The following MYO6 variants were observed in gnomAD, a reference collection of about 807,000 sequenced individuals.
MYO6 encodes the protein unconventional myosin-VI.
In MYO6, 74 loss-of-function variants were observed where a neutral mutation model predicts 178.7. The observed-to-expected ratio is 0.41, with a 90% CI of 0.34 to 0.50. MYO6 has a LOEUF of 0.50. Ranked by LOEUF, MYO6 falls within the 20% of genes least tolerant of loss-of-function variation. The pLI, the probability that MYO6 is intolerant of heterozygous loss-of-function variation, is 0.09. For synonymous variants in MYO6, 477 were observed against 504.6 expected, an observed-to-expected ratio of 0.95 and a Z score of 0.73; for missense variants, 1,330 against 1,547.4, an observed-to-expected ratio of 0.86 and a Z score of 2.36.
intron 18 of MYO6, 186 bp downstream of exon 18, chr6:75,867,291 C>A: frequency 1.9e-6 from 1 of 534,616 alleles, no homozygotes; most frequent in Non-Finnish European, 3.2e-6. Flanking sequence ...TACAGAAATG[C>A]TTGTAATTAT....
At chr6:75,903,661 T>C (rs1780013131) in intron 30 of MYO6, among the ~76,000 whole-genome samples, 1 of 151,874 alleles carries the variant, frequency 6.6e-6, no homozygotes, top group Non-Finnish European at 1.5e-5. Context: ...AGCACACTGA[T>C]GGGTCTTGAC....
At chr6:75,788,241 G>A (rs1328836073) in intron 1 of MYO6, among the ~76,000 whole-genome samples, 1 of 151,586 alleles carries the variant, frequency 6.6e-6, no homozygotes, top group Non-Finnish European at 1.5e-5. Context: ...GTGGGTGCTT[G>A]TGGTCCCAGC....
At chr6:75,864,251 A>T (rs1295416944) in intron 16 of MYO6, among the ~76,000 whole-genome samples, 1 of 152,234 alleles carries the variant, frequency 6.6e-6, no homozygotes, top group Admixed American at 6.5e-5. Context: ...GTGAATGGTA[A>T]CAAGTAGTTT....
intron 18 of MYO6, among the ~76,000 whole-genome samples, chr6:75,869,070 A>ATTTTTT (rs71544072): frequency 3.3e-5 from 2 of 59,854 alleles, no homozygotes; most frequent in African/African-American, 6.6e-5. Context: ...CTTTATCTCC[A>ATTTTTT]TTTTTTTTTT....
chr6:75,902,516 G>A (rs1276426508), intron 30 of MYO6, among the ~76,000 whole-genome samples: 1 of 152,192 alleles, frequency 6.6e-6, no homozygotes, highest in Non-Finnish European at 1.5e-5. Context: ...TTTGCGTAGA[G>A]TTGTTTGTAG....
chr6:75,791,720 A>G (rs1049191194), intron 1 of MYO6, among the ~76,000 whole-genome samples: 1 of 152,224 alleles, frequency 6.6e-6, no homozygotes, highest in Non-Finnish European at 1.5e-5. Flanking sequence ...ATTTGGCATG[A>G]ACAGTTTAAA....
chr6:75,839,536 A>C (rs544526615), intron 7 of MYO6, among the ~76,000 whole-genome samples: 1 of 152,316 alleles, frequency 6.6e-6, no homozygotes, highest in South Asian at 2.1e-4. Context: ...AAAAATTTTA[A>C]CACTGAACAT....
intron 33 of MYO6, among the ~76,000 whole-genome samples, chr6:75,912,998 C>T (rs956937566): frequency 1.3e-5 from 2 of 152,112 alleles, no homozygotes; most frequent in African/African-American, 4.8e-5. Flanking sequence ...TATTTTCATC[C>T]TTTCAGTATT....
At chr6:75,770,704 C>A (rs1186209728) in intron 1 of MYO6, among the ~76,000 whole-genome samples, 1 of 152,092 alleles carries the variant, frequency 6.6e-6, no homozygotes, top group South Asian at 2.1e-4. Context: ...CTTGAACTCC[C>A]GACCTCAGGT....
chr6:75,859,841 GT>G (rs1359293420), intron 14 of MYO6, among the ~76,000 whole-genome samples: 2 of 151,982 alleles, frequency 1.3e-5, no homozygotes, highest in African/African-American at 4.8e-5. Context: ...TATATTTTTA[GT>G]AGAGATGGGG....
chr6:75,907,346 G>T (rs1214062219), intron 30 of MYO6, among the ~76,000 whole-genome samples: 1 of 152,204 alleles, frequency 6.6e-6, no homozygotes, highest in African/African-American at 2.4e-5. Flanking sequence ...TCTGGGGGAA[G>T]TTTGTGGAAC....
intron 1 of MYO6, among the ~76,000 whole-genome samples, chr6:75,809,647 G>A (rs1452293534): frequency 6.6e-6 from 1 of 152,070 alleles, no homozygotes; most frequent in Non-Finnish European, 1.5e-5. Context: ...GAAGTGGGGG[G>A]GTGGTGGAAT....
rs10687890 is a variant in MYO6 at position 75,866,275 on chromosome 6, C to CTGTG, written c.1675-221_1675-218dup. Among the ~76,000 whole-genome samples the CTGTG allele has an allele frequency of 0.049, 5,804 of 119,118 alleles. 346 individuals carry two copies. Among genetic ancestry groups the CTGTG allele is most frequent in the African/African-American group, 0.14 (5,038 of 35,656 alleles). The allele number at this position is 119,118 out of a possible 152,430, so 78.1% of individuals were successfully genotyped here. A position where few individuals can be genotyped will look rare whatever the true frequency, so the allele number is the denominator to read the frequency against. On this transcript the variant is annotated intron_variant, in intron 16 of 34. Coordinates refer to ENST00000369977, the MANE Select transcript of MYO6 (RefSeq NM_004999.4). ...TTTCTCTCCGTCTCTGTCTCTGTCT[C>CTGTG]TGTGTGTGTGTGTGTGTGTGTGTGT...
At position 75,787,691 on chromosome 6, in the gene MYO6, TC is replaced by T. The variant is rs1486946080; in HGVS notation, c.-47-29809del. On this transcript the variant is annotated intron_variant, in intron 1 of 34. Transcript: ENST00000369977. Reference sequence around the variant, plus strand: ...AATGGAACTATTCTCTCTCTCTCTCTCTCTCTCTCTCTCTCTCTCTCTCTCT... The same window carrying T: ...AATGGAACTATTCTCTCTCTCTCTCTTCTCTCTCTCTCTCTCTCTCTCTCT... Among the ~76,000 whole-genome samples the T allele has an allele frequency of 2.3e-4, 7 of 31,078 alleles. No homozygotes were observed. The East Asian group carries it at 3.9e-3, about 17-fold the overall frequency. The allele number at this position is 31,078 out of a possible 152,430, so 20.4% of individuals were successfully genotyped here.
intron 1 of MYO6, among the ~76,000 whole-genome samples, chr6:75,776,522 A>G (rs1435085876): frequency 4.6e-5 from 7 of 152,350 alleles, no homozygotes; most frequent in Middle Eastern, 3.4e-3. Flanking sequence ...AAAATAATAC[A>G]GCGGTTGGCA....
Position 75,866,630 on chromosome 6 carries a change from A to C in MYO6, c.1770+9A>C, listed in dbSNP as rs758281404. The C allele has an allele frequency of 1.2e-6, 2 of 1,607,310 alleles. No individual in the cohort carries two copies. Among genetic ancestry groups the C allele is most frequent in the Non-Finnish European group, 1.7e-6 (2 of 1,173,732 alleles). On this transcript the variant is annotated intron_variant, in intron 17 of 34. Transcript: ENST00000369977. Reference sequence around the variant, plus strand: ...CAGTGTGCTATGAAACAGTGAGTATAACTTTTACAAGGAGAAAACCATTTC... The same window carrying C: ...CAGTGTGCTATGAAACAGTGAGTATCACTTTTACAAGGAGAAAACCATTTC...
intron 1 of MYO6, among the ~76,000 whole-genome samples, chr6:75,802,479 AT>A (rs1300270453): frequency 0.66 from 77,047 of 116,362 alleles, 28,606 homozygotes; most frequent in Non-Finnish European, 0.84. Context: ...AAAAAAAAAA[AT>A]TTTTTTTTTT....
chr6:75,837,747 T>G (rs1773795179), intron 7 of MYO6, among the ~76,000 whole-genome samples: 1 of 152,168 alleles, frequency 6.6e-6, no homozygotes, highest in Admixed American at 6.5e-5. Flanking sequence ...TCATTTACAG[T>G]TTTTATGTGG....
At chr6:75,750,575 A>G (rs941204009) in intron 1 of MYO6, among the ~76,000 whole-genome samples, 1 of 147,996 alleles carries the variant, frequency 6.8e-6, no homozygotes, top group Non-Finnish European at 1.5e-5. Context: ...GATGCAGTCT[A>G]TCTAAATAAA....
Sources: gnomAD v4.1 joint callset for allele counts (sites outside exome capture counted in the v4.1 genomes callset) on GRCh38, gnomAD v4.1.1 for gene constraint, MANE v1.5 for transcripts, NCBI Gene and HGNC (gene_info 2026-07-23, HGNC 2026-07-21) for gene names.